Variants in MTRFR observed in about 807,000 individuals in gnomAD.
MTRFR encodes probable peptide chain release factor C12orf65, mitochondrial.
A neutral mutation model predicts 11.9 loss-of-function variants in MTRFR; 10 were observed. That is an observed-to-expected ratio of 0.84 (90% CI 0.52 to 1.42). The LOEUF is 1.42. Ranked by LOEUF, MTRFR falls within the 40% of genes most tolerant of loss-of-function variation. MTRFR has a pLI of 0.00. For missense variants in MTRFR, 196 were observed against 197.9 expected (o/e 0.99, Z 0.06); for synonymous variants, 77 against 79.1 (o/e 0.97, Z 0.14).
At chr12:123,234,981 T>G (rs7139321) in intron 1 of MTRFR, among the ~76,000 whole-genome samples, 79,402 of 151,994 alleles carry the variant, frequency 0.52, 24,946 homozygotes, top group East Asian at 0.7. Flanking sequence ...CCAAGTAAAA[T>G]AATTTACAAG....
chr12:123,239,688 T>C (rs1396751606), intron 1 of MTRFR, among the ~76,000 whole-genome samples: 2 of 152,122 alleles, frequency 1.3e-5, no homozygotes, highest in Non-Finnish European at 2.9e-5. Context: ...AGGCGTGAGC[T>C]ACCGCGCCCA....
At chr12:123,234,652 C>T (rs2047809234) in intron 1 of MTRFR, among the ~76,000 whole-genome samples, 1 of 152,228 alleles carries the variant, frequency 6.6e-6, no homozygotes, top group African/African-American at 2.4e-5. Context: ...CTGCCTCGGC[C>T]ACCCAAAGTG....
At chr12:123,244,961 A>G in intron 1 of MTRFR, among the ~76,000 whole-genome samples, 1 of 30,250 alleles carries the variant, frequency 3.3e-5, no homozygotes, top group Non-Finnish European at 5.5e-5. Flanking sequence ...TTTTTTTTTT[A>G]GACAGAGTCT....
intron 1 of MTRFR, among the ~76,000 whole-genome samples, chr12:123,246,476 G>A (rs545562131): frequency 1.1e-4 from 16 of 146,718 alleles, no homozygotes; most frequent in South Asian, 2.3e-4. Context: ...GTTTTGAAAC[G>A]GAGTTTTGTT....
At chr12:123,254,006 C>G (rs1320340295) in intron 2 of MTRFR, 50 bp downstream of exon 2, 1 of 1,604,378 alleles carries the variant, frequency 6.2e-7, no homozygotes, top group Admixed American at 1.7e-5. Flanking sequence ...AAGGGTTCCA[C>G]AGCCTCCAGA....
chr12:123,250,919 G>T (rs1017153387), intron 1 of MTRFR: 2 of 152,194 alleles, frequency 1.3e-5, no homozygotes, highest in Non-Finnish European at 1.5e-5. Flanking sequence ...TTTGCCCTTT[G>T]TCTTCCTGCC....
At position 123,256,982 on chromosome 12, in the gene MTRFR, AAAAG is replaced by A; in HGVS notation, c.455_458del (p.Lys152SerfsTer23). 8 of 1,612,170 alleles carry A rather than the reference AAAAG, an allele frequency of 5.0e-6. No homozygotes were observed. The highest frequency in any genetic ancestry group is 6.8e-6 in the Non-Finnish European group (8 of 1,179,692). On this transcript the variant is annotated frameshift_variant, in exon 3 of 3. Transcript: ENST00000253233. LOFTEE classifies it high-confidence loss of function. ...AAAAGAGCAAAGGAAACCCTGGAAA[AAAAG>A]AAGCTACTTAAAGAACTGTGGGAGT...
rs191344831 is a variant in MTRFR at position 123,243,321 on chromosome 12, G to A, written c.-29+9790G>A. Among the ~76,000 whole-genome samples the A allele has an allele frequency of 9.2e-3, 1,402 of 152,086 alleles. 21 individuals are homozygous for A. Among genetic ancestry groups the A allele is most frequent in the African/African-American group, 0.032 (1,316 of 41,488 alleles). ...CGAGGCGGGCGGATCACGAGGTCAG[G>A]AAATCGAGAACAGCCTGGCTAACAT... On this transcript the variant is annotated intron_variant, in intron 1 of 2. Transcript: ENST00000253233.
chr12:123,253,184 G>A (rs989817072), intron 1 of MTRFR, among the ~76,000 whole-genome samples: 2 of 135,218 alleles, frequency 1.5e-5, no homozygotes, highest in Non-Finnish European at 3.1e-5. Flanking sequence ...TGGGATTACA[G>A]GCACCCACCA....
intron 1 of MTRFR, among the ~76,000 whole-genome samples, chr12:123,238,643 GTCTGTCCTAGCAA>G (rs2047887579): frequency 6.6e-6 from 1 of 152,128 alleles, no homozygotes; most frequent in South Asian, 2.1e-4. Context: ...TTTTAAAAGT[GTCTGTCCTAGCAA>G]TCAGAAGAAC....
intron 1 of MTRFR, among the ~76,000 whole-genome samples, chr12:123,239,693 C>T (rs992783897): frequency 1.3e-5 from 2 of 152,166 alleles, no homozygotes; most frequent in African/African-American, 4.8e-5. Context: ...TGAGCTACCG[C>T]GCCCAGCCCA....
intron 1 of MTRFR, among the ~76,000 whole-genome samples, chr12:123,246,801 G>T (rs1276849752): frequency 7.9e-6 from 1 of 126,790 alleles, no homozygotes; most frequent in Non-Finnish European, 1.5e-5. Flanking sequence ...AGCAATCTTG[G>T]CTCACTGCAA....
chr12:123,248,248 T>A (rs1017348724), intron 1 of MTRFR: 4 of 152,202 alleles, frequency 2.6e-5, no homozygotes, highest in African/African-American at 9.6e-5. Context: ...GATACAAAAT[T>A]CTTGGCTGAT....
At chr12:123,247,386 T>G (rs2048057505) in intron 1 of MTRFR, among the ~76,000 whole-genome samples, 1 of 152,220 alleles carries the variant, frequency 6.6e-6, no homozygotes, top group Non-Finnish European at 1.5e-5. Context: ...TGACAAGGCC[T>G]TATTACCATT....
rs1474103540 is a variant in MTRFR at position 123,236,538 on chromosome 12, G to A, written c.-29+3007G>A. ...GAGCCCAGGAGGTCAAGGCTGCACT[G>A]AGCCATTTTTATGCCACTGCACTCC... On this transcript the variant is annotated intron_variant, in intron 1 of 2. Transcript: ENST00000253233. 2.0e-5 allele frequency among the ~76,000 whole-genome samples: 3 copies of A among 151,582 alleles called. 1 individual carries two copies. The highest frequency in any genetic ancestry group is 1.3e-4 in the Admixed American group (2 of 15,200).
intron 1 of MTRFR, among the ~76,000 whole-genome samples, chr12:123,241,687 G>C (rs1047434610): frequency 1.3e-5 from 2 of 151,642 alleles, no homozygotes; most frequent in African/African-American, 4.8e-5. Context: ...ACAGGCTGGA[G>C]ACAGCTTCTG....
At chr12:123,237,714 C>T (rs1211829987) in intron 1 of MTRFR, among the ~76,000 whole-genome samples, 1 of 152,094 alleles carries the variant, frequency 6.6e-6, no homozygotes, top group African/African-American at 2.4e-5. Context: ...CGTAAAACCC[C>T]AAGTCTAGGA....
intron 2 of MTRFR, among the ~76,000 whole-genome samples, chr12:123,256,113 A>G (rs987359871): frequency 1.4e-4 from 21 of 152,188 alleles, no homozygotes; most frequent in Admixed American, 1.3e-4. Context: ...TCACCCTATA[A>G]TAACTGAGGC....
chr12:123,257,265 A>G lies in MTRFR; in HGVS notation c.*234A>G. 2.1e-6 allele frequency: 1 copy of G among 477,950 alleles called. No homozygotes were observed. The highest frequency in any genetic ancestry group is 3.8e-6 in the Non-Finnish European group (1 of 266,176). The allele number at this position is 477,950 out of a possible 1,614,324, so 29.6% of individuals were successfully genotyped here. A position where few individuals can be genotyped will look rare whatever the true frequency, so the allele number is the denominator to read the frequency against. On this transcript the variant is annotated 3_prime_UTR_variant, in exon 3 of 3. Transcript: ENST00000253233. ...GACGGTGCCTCACATCTGTAATCCC[A>G]GCACTTTGGGAGGCCGAGGCGGGCG... is the stretch of plus-strand genomic sequence containing the variant.
Sources: allele counts gnomAD v4.1 joint callset (sites outside exome capture counted in the v4.1 genomes callset), GRCh38; gene constraint gnomAD v4.1.1; transcripts MANE v1.5; gene names NCBI Gene and HGNC (gene_info 2026-07-23, HGNC 2026-07-21).